Variants in MYH13 observed in about 807,000 individuals in gnomAD.
The protein encoded by MYH13 is myosin-13.
A neutral mutation model predicts 232.1 loss-of-function variants in MYH13; 177 were observed. The observed-to-expected ratio is 0.76, with a 90% CI of 0.67 to 0.86. The LOEUF (loss-of-function observed/expected upper bound fraction) is 0.86. MYH13 is among the 40% of genes least tolerant of loss of function. The probability of loss-of-function intolerance (pLI) is 0.00; values close to 1 mark genes in which losing one functional copy is unlikely to be tolerated. For synonymous variants in MYH13, 884 were observed against 923.5 expected, an observed-to-expected ratio of 0.96 and a Z score of 0.78; for missense variants, 2,246 against 2,405.9, an observed-to-expected ratio of 0.93 and a Z score of 1.39.
chr17:10,340,775 A>G (rs1309631338), intron 16 of MYH13, among the ~76,000 whole-genome samples: 1 of 152,082 alleles, frequency 6.6e-6, no homozygotes, highest in Non-Finnish European at 1.5e-5. Flanking sequence ...TCCTGGGATT[A>G]TAGGCATGAG....
At chr17:10,305,063 C>T (rs919333560) in intron 37 of MYH13, among the ~76,000 whole-genome samples, 7 of 152,216 alleles carry the variant, frequency 4.6e-5, no homozygotes, top group African/African-American at 1.7e-4. Flanking sequence ...CCCCACCCTC[C>T]ACCTCCTGGA....
At chr17:10,308,680 A>G (rs763955242) in intron 35 of MYH13, among the ~76,000 whole-genome samples, 5 of 152,094 alleles carry the variant, frequency 3.3e-5, no homozygotes, top group Admixed American at 1.3e-4. Flanking sequence ...GGAGTTTTAA[A>G]AACTTTTATA....
intron 20 of MYH13, 22 bp from the exon 21 acceptor site, chr17:10,330,545 C>A (rs1907376736): frequency 3.8e-6 from 6 of 1,591,390 alleles, no homozygotes; most frequent in Middle Eastern, 2.2e-4. Flanking sequence ...GACAGAGGAG[C>A]CTTGATCTTT....
chr17:10,301,454 A>G, intron 40 of MYH13, 115 bp downstream of exon 40: 1 of 1,486,538 alleles, frequency 6.7e-7, no homozygotes, highest in Non-Finnish European at 9.2e-7. Flanking sequence ...TGGTCCCCAC[A>G]TCTCAGGTAC....
intron 2 of MYH13, among the ~76,000 whole-genome samples, chr17:10,365,909 G>T (rs1357910893): frequency 1.3e-5 from 2 of 150,440 alleles, no homozygotes; most frequent in African/African-American, 4.9e-5. Context: ...GTGTGTAGGG[G>T]GTATTGGTCT....
chr17:10,320,109 T>C, intron 26 of MYH13, 44 bp downstream of exon 26: 6 of 1,479,808 alleles, frequency 4.1e-6, no homozygotes, highest in Non-Finnish European at 5.5e-6. Flanking sequence ...AGGGGCGCTC[T>C]TGCAAAGGGA....
chr17:10,363,342 C>T (rs982800143), intron 3 of MYH13, among the ~76,000 whole-genome samples: 1 of 142,884 alleles, frequency 7.0e-6, no homozygotes, highest in African/African-American at 2.6e-5. Flanking sequence ...AAAAATAGGG[C>T]AAGAAAAGAA....
chr17:10,314,415 C>CAA (rs535595768), intron 29 of MYH13, among the ~76,000 whole-genome samples: 3 of 89,898 alleles, frequency 3.3e-5, no homozygotes, highest in Admixed American at 1.2e-4. Flanking sequence ...AACTCCATCT[C>CAA]AAAAAAAAAA....
In MYH13 at chr17:10,371,264, G is replaced by A. The variant is rs1317627819; in HGVS notation, c.-63-5C>T. The A allele has an allele frequency of 6.7e-6, 1 of 148,940 alleles. No individual in the cohort carries two copies. Among genetic ancestry groups the A allele is most frequent in the Non-Finnish European group, 1.5e-5 (1 of 66,718 alleles). The allele number at this position is 148,940 out of a possible 1,614,324, so 9.2% of individuals were successfully genotyped here. ...CTTCAGGAATAAAGCGTCTTCCTGG[G>A]GATAATTTGAGAAAAAAAAACAAAC... On this transcript the variant is annotated splice_region_variant and splice_polypyrimidine_tract_variant and intron_variant, in intron 1 of 40. Transcript: ENST00000252172.
chr17:10,326,910 G>A (rs1277888259), intron 22 of MYH13, among the ~76,000 whole-genome samples: 11 of 147,126 alleles, frequency 7.5e-5, no homozygotes, highest in African/African-American at 2.5e-5. Context: ...CGACTACCTG[G>A]GCTCAGGTGA....
chr17:10,335,558 C>A (rs1435737217), intron 18 of MYH13, among the ~76,000 whole-genome samples: 1 of 152,008 alleles, frequency 6.6e-6, no homozygotes, highest in Admixed American at 6.6e-5. Context: ...TTCGAGACCA[C>A]CCTGGCCAAC....
At chr17:10,337,209 G>C (rs9906701) in intron 18 of MYH13, among the ~76,000 whole-genome samples, 117,759 of 152,136 alleles carry the variant, frequency 0.77, 45,956 homozygotes, top group East Asian at 0.9. Flanking sequence ...CCATGCCCGG[G>C]CGTGACTGTC....
In MYH13 at chr17:10,315,916, C is replaced by T; in HGVS notation, c.3848G>A (p.Arg1283Lys). 2 of 1,614,004 alleles carry T rather than the reference C, an allele frequency of 1.2e-6. No homozygotes were observed. Among genetic ancestry groups the T allele is most frequent in the Non-Finnish European group, 1.7e-6 (2 of 1,179,902 alleles). Reference sequence around the variant, plus strand: ...ATTCTCACCATTTTGGGTCTGCAGTCTTGCTTTCTGCATGTTCAGATCATG... The same window carrying T: ...ATTCTCACCATTTTGGGTCTGCAGTTTTGCTTTCTGCATGTTCAGATCATG... ...LIHDLNMQKA[R>K]LQTQNGELSH... is the part of the protein sequence containing the mutation. The change falls in exon 28 of 41, where the codon AGA (arginine) becomes AAA (lysine). Residue 1283 changes from arginine to lysine, a missense_variant. By Grantham distance (26) the Arg-to-Lys change is conservative. Coordinates refer to ENST00000252172, the MANE Select transcript of MYH13 (RefSeq NM_003802.3).
intron 22 of MYH13, among the ~76,000 whole-genome samples, chr17:10,327,285 G>A (rs1231432378): frequency 5.9e-5 from 9 of 151,724 alleles, no homozygotes; most frequent in Non-Finnish European, 1.3e-4. Context: ...ACAGGCGTGA[G>A]CCACCGCGCC....
rs1906226211 is a variant in MYH13 at position 10,304,970 on chromosome 17, A to G, written c.5467-1472T>C. Reference sequence around the variant, plus strand: ...ATCCCAGTGGCTGCAGAGCAGGGCCAACTCTGGGCTTGGAGACTCACTAGA... The same window carrying G: ...ATCCCAGTGGCTGCAGAGCAGGGCCGACTCTGGGCTTGGAGACTCACTAGA... On this transcript the variant is annotated intron_variant, in intron 37 of 40. Coordinates refer to ENST00000252172, the MANE Select transcript of MYH13 (RefSeq NM_003802.3). The surrounding 1 kb of genome is among the most constrained non-coding windows in gnomAD (Gnocchi z 5.3). 6.6e-6 allele frequency among the ~76,000 whole-genome samples: 1 copy of G among 152,144 alleles called. No homozygotes were observed. The highest frequency in any genetic ancestry group is 2.1e-4 in the South Asian group (1 of 4,826).
chr17:10,307,686 T>C (rs1030267430), intron 35 of MYH13, among the ~76,000 whole-genome samples: 1 of 152,148 alleles, frequency 6.6e-6, no homozygotes, highest in Non-Finnish European at 1.5e-5. Context: ...AGCTAGAGTA[T>C]TTGAGAATTT....
At chr17:10,352,450 C>T (rs377427904) in intron 11 of MYH13, among the ~76,000 whole-genome samples, 4 of 152,018 alleles carry the variant, frequency 2.6e-5, no homozygotes, top group East Asian at 3.9e-4. Flanking sequence ...ATTAGCCGAG[C>T]GTGGTGACAG....
chr17:10,358,497 C>T (rs2071766453), intron 7 of MYH13, among the ~76,000 whole-genome samples: 1 of 152,104 alleles, frequency 6.6e-6, no homozygotes, highest in Middle Eastern at 3.2e-3. Context: ...TGGTAGTTCA[C>T]ACTCGTAATT....
chr17:10,356,448 T>C (rs1256663425), intron 8 of MYH13, among the ~76,000 whole-genome samples: 2 of 152,210 alleles, frequency 1.3e-5, no homozygotes, highest in Non-Finnish European at 2.9e-5. Context: ...CCTGAAGGTA[T>C]TGTCTTTCAC....
Sources: gnomAD v4.1 joint callset for allele counts (sites outside exome capture counted in the v4.1 genomes callset) on GRCh38, gnomAD v4.1.1 for gene constraint, Gnocchi (gnomAD v3.1) non-coding constraint, MANE v1.5 for transcripts, NCBI Gene and HGNC (gene_info 2026-07-23, HGNC 2026-07-21) for gene names.